The following MTHFD1L variants were observed in gnomAD, a reference collection of about 807,000 sequenced individuals.
MTHFD1L encodes monofunctional C1-tetrahydrofolate synthase, mitochondrial.
Under a neutral mutation model 119.5 loss-of-function variants are expected in MTHFD1L, and 81 were observed. That is an observed-to-expected ratio of 0.68 (90% CI 0.57 to 0.82). The LOEUF is 0.82. MTHFD1L is among the 40% of genes least tolerant of loss of function. The pLI, the probability that MTHFD1L is intolerant of heterozygous loss-of-function variation, is 0.00. For synonymous variants in MTHFD1L, 430 were observed against 475.2 expected (o/e 0.90, Z 1.24); for missense variants, 1,125 against 1,253.4 (o/e 0.90, Z 1.55).
intron 20 of MTHFD1L, among the ~76,000 whole-genome samples, chr6:151,008,427 A>C (rs1409210959): frequency 6.6e-6 from 1 of 152,190 alleles, no homozygotes; most frequent in Non-Finnish European, 1.5e-5. Context: ...CCCAGATTGT[A>C]ATGGACAATC....
intron 26 of MTHFD1L, among the ~76,000 whole-genome samples, chr6:151,062,362 CG>C (rs1314172148): frequency 2.6e-5 from 4 of 151,998 alleles, no homozygotes; most frequent in Admixed American, 1.3e-4. Flanking sequence ...GGCGTGAATC[CG>C]GGGGGCAGAG....
At chr6:150,997,580 G>T (rs1779973001) in intron 20 of MTHFD1L, among the ~76,000 whole-genome samples, 2 of 152,220 alleles carry the variant, frequency 1.3e-5, no homozygotes, top group East Asian at 3.9e-4. Context: ...CTCGAGCCCA[G>T]GAGTTCGAGA....
intron 1 of MTHFD1L, among the ~76,000 whole-genome samples, chr6:150,873,987 A>G (rs755513296): frequency 7.9e-5 from 12 of 151,954 alleles, no homozygotes; most frequent in South Asian, 2.1e-4. Context: ...CTTTACTTTT[A>G]CCAAACTCTC....
rs558815478 is a variant in MTHFD1L, at chr6:151,034,551, T to C, written c.2645T>C (p.Ile882Thr). ...CAGGCTGTCTATGGAGCCAAAGATA[T>C]TGAACTCTCTCCTGAGGCACAAGCC... ...IAQAVYGAKD[I>T]ELSPEAQAKI... Residue 882 changes from isoleucine (I) to threonine (T), a missense_variant, in exon 25 of 28, where the codon ATT becomes ACT. By Grantham distance (89) the Ile-to-Thr change is moderately conservative. Around this residue, in one of 3 missense-constraint regions of MTHFD1L, gnomAD observed 1,058 missense variants for 1,151.2 expected, o/e 0.92. Transcript: ENST00000367321. 6.2e-6 allele frequency: 10 copies of C among 1,611,948 alleles called. No individual in the cohort carries two copies. The South Asian group carries it at 6.6e-5, about 11-fold the overall frequency.
At chr6:150,872,826 CTTT>C (rs879609305) in intron 1 of MTHFD1L, among the ~76,000 whole-genome samples, 1 of 141,202 alleles carries the variant, frequency 7.1e-6, no homozygotes, top group African/African-American at 2.6e-5. Context: ...CACCCCCCAA[CTTT>C]TTTTTTTTTT....
At chr6:150,891,446 TTA>T (rs750895376) in intron 7 of MTHFD1L, among the ~76,000 whole-genome samples, 5 of 148,022 alleles carry the variant, frequency 3.4e-5, no homozygotes, top group East Asian at 1.9e-4. Flanking sequence ...CATATAATCC[TTA>T]TATATATATA....
chr6:150,894,867 T>G (rs1177170916), intron 7 of MTHFD1L, among the ~76,000 whole-genome samples: 3 of 152,216 alleles, frequency 2.0e-5, no homozygotes, highest in African/African-American at 4.8e-5. Context: ...TTGGTAGCTT[T>G]GTAACTTACG....
At chr6:151,065,633 A>G (rs1791143340) in intron 26 of MTHFD1L, among the ~76,000 whole-genome samples, 1 of 152,244 alleles carries the variant, frequency 6.6e-6, no homozygotes, top group Admixed American at 6.5e-5. Context: ...ATCCAGAGGA[A>G]GAGGAATCTT....
chr6:150,974,154 A>G (rs1776201612), intron 20 of MTHFD1L, among the ~76,000 whole-genome samples: 1 of 152,210 alleles, frequency 6.6e-6, no homozygotes, highest in Non-Finnish European at 1.5e-5. Context: ...CCTTGGGCAC[A>G]TGAACCCTTC....
At chr6:150,993,230 T>G (rs1257878688) in intron 20 of MTHFD1L, among the ~76,000 whole-genome samples, 1 of 152,188 alleles carries the variant, frequency 6.6e-6, no homozygotes, top group Admixed American at 6.5e-5. Context: ...AGTATGAAAA[T>G]AGTTTTTTCT....
chr6:150,867,915 A>C (rs1778703571), intron 1 of MTHFD1L, among the ~76,000 whole-genome samples: 1 of 147,712 alleles, frequency 6.8e-6, no homozygotes, highest in African/African-American at 2.5e-5. Flanking sequence ...CCCCTGCCTC[A>C]GCCTCCCGAG....
intron 13 of MTHFD1L, among the ~76,000 whole-genome samples, chr6:150,942,022 G>T (rs1454761045): frequency 2.6e-5 from 4 of 152,192 alleles, no homozygotes; most frequent in Non-Finnish European, 4.4e-5. Flanking sequence ...ACTTTGGGAG[G>T]CTGAGGCGAG....
rs555250436 is a variant in MTHFD1L, at chr6:151,093,485, C to T, written c.*31+898C>T. 3.6e-3 allele frequency among the ~76,000 whole-genome samples: 548 copies of T among 151,848 alleles called. 1 individual carries two copies. Among genetic ancestry groups the T allele is most frequent in the African/African-American group, 0.012 (517 of 41,390 alleles). On this transcript the variant is annotated intron_variant, in intron 27 of 27. Coordinates refer to ENST00000367321, the MANE Select transcript of MTHFD1L (RefSeq NM_015440.5). The stretch of plus-strand genomic sequence containing the variant: ...CAGCCTGGCCAAGATGGTGAAACCC[C>T]GTCTCTACTAAAAATACGAAAATTA...
rs555069561 is a variant in MTHFD1L at position 150,969,431 on chromosome 6, G to A, written c.2014-2516G>A. ...GAATAGCTTGAACCGGGGAGGTGGA[G>A]GTTGCAGTGAGCAGAGATCATGCCA... On this transcript the variant is annotated intron_variant, in intron 19 of 27. Coordinates refer to ENST00000367321, the MANE Select transcript of MTHFD1L (RefSeq NM_015440.5). Among the ~76,000 whole-genome samples, 11 of 151,922 alleles carry A rather than the reference G, an allele frequency of 7.2e-5. No individual in the cohort carries two copies. In the South Asian group the frequency reaches 1.0e-3, roughly 14 times the overall value.
intron 18 of MTHFD1L, among the ~76,000 whole-genome samples, chr6:150,963,664 T>A (rs1326679728): frequency 6.6e-6 from 1 of 152,208 alleles, no homozygotes. Context: ...TTCTCTGGAT[T>A]CTACCACTGC....
intron 1 of MTHFD1L, among the ~76,000 whole-genome samples, chr6:150,869,976 G>A (rs1052388005): frequency 6.6e-6 from 1 of 152,134 alleles, no homozygotes; most frequent in Admixed American, 6.5e-5. Flanking sequence ...CACCATGTTG[G>A]CCAGGCTAGT....
intron 4 of MTHFD1L, among the ~76,000 whole-genome samples, chr6:150,879,632 T>G (rs1210496112): frequency 6.8e-6 from 1 of 147,558 alleles, no homozygotes; most frequent in Admixed American, 6.8e-5. Context: ...GTGTTTTTTT[T>G]TTTTTTTTTT....
intron 9 of MTHFD1L, among the ~76,000 whole-genome samples, chr6:150,920,205 A>G (rs957846881): frequency 1.3e-5 from 2 of 152,204 alleles, no homozygotes; most frequent in East Asian, 3.9e-4. Flanking sequence ...TTAGAAGTAG[A>G]TCACTAAGTC....
At chr6:150,917,108 C>G (rs1239148523) in intron 8 of MTHFD1L, among the ~76,000 whole-genome samples, 1 of 151,722 alleles carries the variant, frequency 6.6e-6, no homozygotes, top group South Asian at 2.1e-4. Flanking sequence ...TCAAAAAAGC[C>G]TGATCTTTCA....
Sources: gnomAD v4.1 joint callset for allele counts (sites outside exome capture counted in the v4.1 genomes callset) on GRCh38, gnomAD v4.1.1 for gene constraint, gnomAD v4.1.1 regional missense constraint, MANE v1.5 for transcripts, NCBI Gene and HGNC (gene_info 2026-07-23, HGNC 2026-07-21) for gene names.